The following RASSF5 variants were observed in gnomAD, a reference collection of about 807,000 sequenced individuals.
RASSF5 encodes Ras association domain family member 5, also known as ras association domain-containing protein 5.
In RASSF5, 25 loss-of-function variants were observed where a neutral mutation model predicts 40.5. That is an observed-to-expected ratio of 0.62 (90% CI 0.45 to 0.86). RASSF5 has a LOEUF of 0.86. Ranked by LOEUF, RASSF5 falls within the 40% of genes least tolerant of loss-of-function variation. The pLI is 0.00. For missense variants in RASSF5, 521 were observed against 572.8 expected (o/e 0.91, Z 0.92); for synonymous variants, 246 against 252.4 (o/e 0.97, Z 0.24).
intron 1 of RASSF5, among the ~76,000 whole-genome samples, chr1:206,523,971 A>G (rs1447651556): frequency 1.7e-5 from 2 of 118,644 alleles, no homozygotes; most frequent in East Asian, 4.5e-4. Context: ...CATATATAAT[A>G]TATTTTATAT....
At chr1:206,574,592 C>G (rs1158530944) in intron 2 of RASSF5, among the ~76,000 whole-genome samples, 6 of 152,170 alleles carry the variant, frequency 3.9e-5, no homozygotes, top group Non-Finnish European at 5.9e-5. Flanking sequence ...GCAGAAGCTC[C>G]ATGATAAAGC....
intron 2 of RASSF5, chr1:206,557,217 A>T: frequency 9.4e-7 from 1 of 1,063,448 alleles, no homozygotes; most frequent in East Asian, 7.1e-5. Flanking sequence ...GGAGGTGCGG[A>T]GATGGCGCTC....
intron 2 of RASSF5, among the ~76,000 whole-genome samples, chr1:206,573,493 G>A (rs1425893428): frequency 5.3e-5 from 8 of 152,192 alleles, no homozygotes; most frequent in East Asian, 1.9e-4. Context: ...CTTCTCTCAC[G>A]GAACTCAGTA....
Position 206,584,952 on chromosome 1 carries a change from A to T in RASSF5, c.989-228A>T. ...GGGAGGAATCTGCCCCACCATTCCT[A>T]ATCTTTCAGGAGATGATGTGAATGG... On this transcript the variant is annotated intron_variant, in intron 4 of 5. Transcript: ENST00000579436. The surrounding 1 kb of genome is among the most constrained non-coding windows in gnomAD (Gnocchi z 4.9). The T allele has an allele frequency of 3.3e-6, 2 of 606,244 alleles. No individual in the cohort carries two copies. The highest frequency in any genetic ancestry group is 5.9e-5 in the Admixed American group (2 of 33,984). The allele number at this position is 606,244 out of a possible 1,614,324, so 37.6% of individuals were successfully genotyped here.
chr1:206,535,043 A>G lies in RASSF5; in HGVS notation c.458-3129A>G, dbSNP rs537237191. On this transcript the variant is annotated intron_variant, in intron 1 of 5. Coordinates refer to ENST00000579436, the MANE Select transcript of RASSF5 (RefSeq NM_182663.4). The surrounding 1 kb of genome is among the most constrained non-coding windows in gnomAD (Gnocchi z 5.0). Reference sequence around the variant, plus strand: ...CCCAGGAGTTCGAGACCAGCCTGGGAAAAATGGTGAAACCCTTTTTTAATT... The same window carrying G: ...CCCAGGAGTTCGAGACCAGCCTGGGGAAAATGGTGAAACCCTTTTTTAATT... Among the ~76,000 whole-genome samples the G allele has an allele frequency of 6.6e-6, 1 of 152,194 alleles. No homozygotes were observed. Among genetic ancestry groups the G allele is most frequent in the South Asian group, 2.1e-4 (1 of 4,824 alleles).
At chr1:206,571,020 C>T (rs1228313174) in intron 2 of RASSF5, among the ~76,000 whole-genome samples, 2 of 152,232 alleles carry the variant, frequency 1.3e-5, no homozygotes, top group African/African-American at 4.8e-5. Flanking sequence ...CCATTTTCCA[C>T]AGTGACTGCA....
At chr1:206,577,578 C>G (rs1553405405) in intron 2 of RASSF5, among the ~76,000 whole-genome samples, 1 of 152,102 alleles carries the variant, frequency 6.6e-6, no homozygotes, top group Admixed American at 6.5e-5. Context: ...AGTCAGAAGC[C>G]CAACACACAC....
chr1:206,524,140 T>C (rs1309090737), intron 1 of RASSF5, among the ~76,000 whole-genome samples: 3 of 134,318 alleles, frequency 2.2e-5, no homozygotes, highest in Non-Finnish European at 4.6e-5. Flanking sequence ...ATATGTAATA[T>C]ACTTTATATA....
intron 2 of RASSF5, among the ~76,000 whole-genome samples, chr1:206,562,464 A>G (rs1223898350): frequency 6.6e-6 from 1 of 152,234 alleles, no homozygotes; most frequent in African/African-American, 2.4e-5. Flanking sequence ...TAGTCCCAGA[A>G]GAGATTTCAG....
rs143066793 is a variant in RASSF5, at chr1:206,584,824, A to T, written c.988+140A>T. ...GGGTCCAGCTGCCCATGTGGTGTTC[A>T]GATCTGTGGAATCCGGGCAGGGAGG... On this transcript the variant is annotated intron_variant, in intron 4 of 5. Transcript: ENST00000579436. The surrounding 1 kb of genome is among the most constrained non-coding windows in gnomAD (Gnocchi z 4.9). The T allele has an allele frequency of 7.9e-5, 69 of 873,370 alleles. No homozygotes were observed. The African/African-American group carries it at 1.2e-3, about 15-fold the overall frequency. 54.1% of individuals were successfully genotyped at this position (873,370 alleles called of 1,614,324 possible).
chr1:206,569,448 T>C (rs1354931110), intron 2 of RASSF5, among the ~76,000 whole-genome samples: 1 of 152,182 alleles, frequency 6.6e-6, no homozygotes, highest in African/African-American at 2.4e-5. Flanking sequence ...TTCTTTCAGA[T>C]CTTTAAAGAT....
rs1305437622 is a variant in RASSF5, at chr1:206,516,581, T to G, written c.457+8522T>G. On this transcript the variant is annotated intron_variant, in intron 1 of 5. Coordinates refer to ENST00000579436, the MANE Select transcript of RASSF5 (RefSeq NM_182663.4). ...AAGTGATTCTCCTGCCTCAGCCTCT[T>G]GAGTAGCTGGGACTACAGGTGCGTG... Among the ~76,000 whole-genome samples, 3 of 152,082 alleles carry G rather than the reference T, an allele frequency of 2.0e-5. No homozygotes were observed. The East Asian group carries it at 5.8e-4, about 29-fold the overall frequency.
At chr1:206,538,962 G>A (rs1553399029) in intron 2 of RASSF5, among the ~76,000 whole-genome samples, 1 of 152,122 alleles carries the variant, frequency 6.6e-6, no homozygotes, top group African/African-American at 2.4e-5. Context: ...TTGCATTCTG[G>A]CAGGGGAGGC....
chr1:206,553,936 T>C (rs544981584), intron 2 of RASSF5, among the ~76,000 whole-genome samples: 5 of 152,344 alleles, frequency 3.3e-5, no homozygotes, highest in African/African-American at 1.2e-4. Flanking sequence ...TAACTAACAG[T>C]GTGGATATGT....
At chr1:206,557,293 G>T in intron 2 of RASSF5, 4 of 1,237,394 alleles carry the variant, frequency 3.2e-6, no homozygotes, top group Non-Finnish European at 3.0e-6. Context: ...GACGAGTCAG[G>T]GAGTGAGGCG....
rs1358474907 is a variant in RASSF5 at position 206,587,961 on chromosome 1, C to G, written c.*983C>G. ...CGGCCTCCAGCACTGCCTCCCTCCT[C>G]CCACTGCGACTCTGGGATCTCCAGG... On this transcript the variant is annotated 3_prime_UTR_variant, in exon 6 of 6. Transcript: ENST00000579436. The G allele has an allele frequency of 1.3e-5, 2 of 152,996 alleles. No homozygotes were observed. Among genetic ancestry groups the G allele is most frequent in the Non-Finnish European group, 2.9e-5 (2 of 68,174 alleles). The allele number at this position is 152,996 out of a possible 1,614,324, so 9.5% of individuals were successfully genotyped here.
At chr1:206,533,926 G>T (rs1448063549) in intron 1 of RASSF5, among the ~76,000 whole-genome samples, 1 of 152,134 alleles carries the variant, frequency 6.6e-6, no homozygotes, top group Non-Finnish European at 1.5e-5. Flanking sequence ...AGAACGCCAC[G>T]TGACGATGGA....
At chr1:206,540,677 G>T (rs904350027) in intron 2 of RASSF5, among the ~76,000 whole-genome samples, 19 of 152,226 alleles carry the variant, frequency 1.2e-4, no homozygotes, top group South Asian at 2.1e-4. Context: ...TAAAAAGCCT[G>T]TTTGTGCTCA....
intron 2 of RASSF5, among the ~76,000 whole-genome samples, chr1:206,559,912 C>T (rs1334967847): frequency 2.0e-5 from 3 of 152,128 alleles, no homozygotes; most frequent in East Asian, 1.9e-4. Flanking sequence ...GCTGGGGACG[C>T]GTCCTCCAAA....
Sources: allele counts gnomAD v4.1 joint callset (sites outside exome capture counted in the v4.1 genomes callset), GRCh38; gene constraint gnomAD v4.1.1; non-coding constraint Gnocchi (gnomAD v3.1); transcripts MANE v1.5; gene names NCBI Gene and HGNC (gene_info 2026-07-23, HGNC 2026-07-21).